The following IGFL2 variants were observed in gnomAD, a reference collection of about 807,000 sequenced individuals.
The protein encoded by IGFL2 is insulin growth factor-like family member 2.
IGFL2 carries 7 observed loss-of-function variants against 13.9 expected under a neutral mutation model. That is an observed-to-expected ratio of 0.51 (90% confidence interval 0.29 to 0.95). IGFL2 has a LOEUF of 0.95. Among genes scored for constraint, IGFL2 ranks in the 40% least tolerant of loss-of-function variants. The pLI is 0.08. For synonymous variants in IGFL2, 55 were observed against 55.8 expected (o/e 0.99, Z 0.07); for missense variants, 138 against 147.8 (o/e 0.93, Z 0.34).
chr19:46,148,883 G>GT lies in IGFL2; in HGVS notation c.19+588dup, dbSNP rs1190156749. 5.2e-6 allele frequency: 8 copies of GT among 1,541,652 alleles called. No homozygotes were observed. The South Asian group carries it at 9.7e-5, about 19-fold the overall frequency. On this transcript the variant is annotated intron_variant, in intron 1 of 3. Transcript: ENST00000377693. ...GGAGTGGAGACTAGATCTGCAATCT[G>GT]TTGGGACTGTGATGAGGGGATCATC...
At chr19:46,212,739 T>C in the IGFL2 span, 1 of 132,978 alleles carries the variant, frequency 7.5e-6, no homozygotes, top group African/African-American at 2.8e-5. Flanking sequence ...CTCTCTCTCC[T>C]CTCACTGTCA....
the IGFL2 span, chr19:46,124,290 G>C: frequency 1.9e-5 from 30 of 1,610,570 alleles, no homozygotes; most frequent in Non-Finnish European, 2.4e-5. Context: ...TTGAACACTG[G>C]AGGAGGAAGA....
chr19:46,128,094 A>T, the IGFL2 span, among the ~76,000 whole-genome samples: 2 of 152,120 alleles, frequency 1.3e-5, no homozygotes, highest in Non-Finnish European at 2.9e-5. Context: ...GCAATTGTGA[A>T]TGGGAATTGC....
chr19:46,205,906 T>G, the IGFL2 span, among the ~76,000 whole-genome samples: 2 of 152,146 alleles, frequency 1.3e-5, no homozygotes, highest in African/African-American at 2.4e-5. Flanking sequence ...TGAACGTCCT[T>G]CTGCTGCCAA....
chr19:46,174,206 C>T, the IGFL2 span, among the ~76,000 whole-genome samples: 3 of 152,188 alleles, frequency 2.0e-5, no homozygotes, highest in African/African-American at 7.2e-5. Flanking sequence ...CGAGGTAGGA[C>T]CGACCACAGA....
At chr19:46,122,392 C>G in the IGFL2 span, among the ~76,000 whole-genome samples, 1 of 151,112 alleles carries the variant, frequency 6.6e-6, no homozygotes, top group Non-Finnish European at 1.5e-5. Flanking sequence ...AGTTAGCTAG[C>G]TGACCCTGTT....
intron 1 of IGFL2, among the ~76,000 whole-genome samples, chr19:46,150,475 T>C (rs1973417994): frequency 6.6e-6 from 1 of 152,222 alleles, no homozygotes; most frequent in South Asian, 2.1e-4. Flanking sequence ...GTATGTTTTC[T>C]GCTAGGAATC....
chr19:46,088,249 G>A, the IGFL2 span, among the ~76,000 whole-genome samples: 21 of 152,286 alleles, frequency 1.4e-4, no homozygotes, highest in Non-Finnish European at 2.8e-4. Context: ...CATAAAAGAG[G>A]CAAGTACCCA....
At chr19:46,198,332 T>G in the IGFL2 span, 1 of 152,046 alleles carries the variant, frequency 6.6e-6, no homozygotes, top group Non-Finnish European at 1.5e-5. Flanking sequence ...CAGGCTGGTC[T>G]GGGATTCCTG....
At chr19:46,120,324 G>C in the IGFL2 span, 44 of 1,610,808 alleles carry the variant, frequency 2.7e-5, 2 homozygotes, top group East Asian at 9.7e-4. Context: ...GTGGAGCCTG[G>C]GGTTTTTATG....
At chr19:46,198,673 C>T in the IGFL2 span, among the ~76,000 whole-genome samples, 717 of 152,308 alleles carry the variant, frequency 4.7e-3, 4 homozygotes, top group African/African-American at 0.016. Flanking sequence ...ACCATCCAGT[C>T]TTTGGTCACC....
the IGFL2 span, chr19:46,136,678 C>G: frequency 4.4e-6 from 2 of 454,434 alleles, no homozygotes; most frequent in Non-Finnish European, 8.7e-6. Context: ...TAAAATAATG[C>G]AATTCATCTC....
At chr19:46,200,191 C>A in the IGFL2 span, among the ~76,000 whole-genome samples, 5 of 150,470 alleles carry the variant, frequency 3.3e-5, no homozygotes, top group African/African-American at 1.2e-4. Flanking sequence ...TTTTTTGAGA[C>A]AAGATCTCGT....
the IGFL2 span, chr19:46,212,713 T>TTCTCTCTCTCTCTCTCTCTCTCTC: frequency 9.4e-5 from 14 of 148,720 alleles, no homozygotes; most frequent in African/African-American, 3.2e-4. Flanking sequence ...TTCTCCTACC[T>TTCTCTCTCTCTCTCTCTCTCTCTC]TCTCTCTCTC....
the IGFL2 span, among the ~76,000 whole-genome samples, chr19:46,098,586 C>T: frequency 2.0e-5 from 3 of 148,748 alleles, no homozygotes; most frequent in East Asian, 2.0e-4. Context: ...TCAAGTGATT[C>T]TCCTGCGTCA....
At chr19:46,094,905 A>AT in the IGFL2 span, among the ~76,000 whole-genome samples, 5 of 152,230 alleles carry the variant, frequency 3.3e-5, no homozygotes, top group East Asian at 7.7e-4. Flanking sequence ...TATATGTGCC[A>AT]TGTTTTCTTT....
At chr19:46,124,398 C>A in the IGFL2 span, 4 of 1,462,564 alleles carry the variant, frequency 2.7e-6, no homozygotes, top group African/African-American at 5.7e-5. Context: ...AACAAACAAA[C>A]AGAGGTTAGG....
the IGFL2 span, among the ~76,000 whole-genome samples, chr19:46,096,343 A>G: frequency 1.3e-5 from 2 of 152,026 alleles, no homozygotes; most frequent in African/African-American, 4.8e-5. Flanking sequence ...GTGTATAGGA[A>G]TGCTTGTGAT....
At chr19:46,085,618 T>G in the IGFL2 span, among the ~76,000 whole-genome samples, 1 of 152,242 alleles carries the variant, frequency 6.6e-6, no homozygotes, top group African/African-American at 2.4e-5. Context: ...TTAGCCTGTT[T>G]ACATTCAAGT....
Sources: allele counts gnomAD v4.1 joint callset (sites outside exome capture counted in the v4.1 genomes callset), GRCh38; gene constraint gnomAD v4.1.1; transcripts MANE v1.5; gene names NCBI Gene and HGNC (gene_info 2026-07-23, HGNC 2026-07-21).